The following EFNA5 variants were observed in gnomAD, a reference collection of about 807,000 sequenced individuals.
EFNA5 encodes ephrin A5, also known as ephrin-A5.
A neutral mutation model predicts 22.9 loss-of-function variants in EFNA5; 5 were observed. That is an observed-to-expected ratio of 0.22 (90% CI 0.11 to 0.46). The LOEUF (loss-of-function observed/expected upper bound fraction) is 0.46. EFNA5 is among the 20% of genes least tolerant of loss of function. EFNA5 has a pLI of 0.99. For synonymous variants in EFNA5, 113 were observed against 112.2 expected, an observed-to-expected ratio of 1.01 and a Z score of -0.04; for missense variants, 237 against 293.3, an observed-to-expected ratio of 0.81 and a Z score of 1.40.
At chr5:107,599,470 T>C (rs944433313) in intron 1 of EFNA5, among the ~76,000 whole-genome samples, 1 of 152,186 alleles carries the variant, frequency 6.6e-6, no homozygotes, top group East Asian at 1.9e-4. Flanking sequence ...TGGCTTCATA[T>C]ATGGGGCAGT....
intron 1 of EFNA5, among the ~76,000 whole-genome samples, chr5:107,641,755 A>G (rs1162601596): frequency 6.6e-6 from 1 of 152,214 alleles, no homozygotes; most frequent in African/African-American, 2.4e-5. Flanking sequence ...AGTGTACAGC[A>G]TCTGTTCATT....
chr5:107,430,402 T>C (rs1251963653), intron 1 of EFNA5, among the ~76,000 whole-genome samples: 3 of 152,144 alleles, frequency 2.0e-5, no homozygotes, highest in Non-Finnish European at 4.4e-5. Flanking sequence ...GGAAGTTTTT[T>C]CTTTCCCTAA....
chr5:107,423,262 A>T (rs1748718190), intron 2 of EFNA5, among the ~76,000 whole-genome samples: 1 of 152,160 alleles, frequency 6.6e-6, no homozygotes. Flanking sequence ...TGTTTTATGG[A>T]ATTACAAAGA....
At chr5:107,438,777 G>A (rs1318902191) in intron 1 of EFNA5, among the ~76,000 whole-genome samples, 1 of 152,304 alleles carries the variant, frequency 6.6e-6, no homozygotes, top group Non-Finnish European at 1.5e-5. Context: ...ATATCTGGGG[G>A]TTAGAAATCT....
In EFNA5 at chr5:107,597,689, G is replaced by A. The variant is rs561063355; in HGVS notation, c.125+72800C>T. On this transcript the variant is annotated intron_variant, in intron 1 of 4. Coordinates refer to ENST00000333274, the MANE Select transcript of EFNA5 (RefSeq NM_001962.3). ...AAAATTAAGTGTACTCAAGCCTTGT[G>A]TATTGTTGCTGCTTCCAGGAGATGA... 4.6e-5 allele frequency among the ~76,000 whole-genome samples: 7 copies of A among 152,298 alleles called. No homozygotes were observed. In the East Asian group the frequency reaches 9.6e-4, roughly 21 times the overall value.
At chr5:107,481,629 A>T (rs1429960265) in intron 1 of EFNA5, among the ~76,000 whole-genome samples, 2 of 152,112 alleles carry the variant, frequency 1.3e-5, no homozygotes, top group Non-Finnish European at 2.9e-5. Flanking sequence ...AGGTGGGTGG[A>T]TCACAAGGTC....
At chr5:107,445,017 T>C (rs905443455) in intron 1 of EFNA5, among the ~76,000 whole-genome samples, 4 of 152,046 alleles carry the variant, frequency 2.6e-5, no homozygotes, top group Non-Finnish European at 1.5e-5. Flanking sequence ...AGTATAAAGA[T>C]TGCCATTTAA....
chr5:107,434,332 C>T (rs1749052924), intron 1 of EFNA5, among the ~76,000 whole-genome samples: 1 of 152,304 alleles, frequency 6.6e-6, no homozygotes. Context: ...GGACCCCACA[C>T]TCCTGTGTTG....
chr5:107,478,074 C>T (rs749959138), intron 1 of EFNA5, among the ~76,000 whole-genome samples: 17 of 152,076 alleles, frequency 1.1e-4, no homozygotes, highest in Non-Finnish European at 1.9e-4. Context: ...TATATAATGC[C>T]ATGATAGAAA....
chr5:107,490,654 G>A (rs1340512328), intron 1 of EFNA5, among the ~76,000 whole-genome samples: 1 of 152,152 alleles, frequency 6.6e-6, no homozygotes, highest in Non-Finnish European at 1.5e-5. Flanking sequence ...AGTTCCTTTG[G>A]CAGGGAACAT....
intron 1 of EFNA5, among the ~76,000 whole-genome samples, chr5:107,590,482 G>A (rs1270375522): frequency 6.6e-6 from 1 of 151,850 alleles, no homozygotes; most frequent in Non-Finnish European, 1.5e-5. Flanking sequence ...TCAACCTCCT[G>A]GGCTCAAGTA....
chr5:107,548,931 T>TA, intron 1 of EFNA5, among the ~76,000 whole-genome samples: 1 of 152,202 alleles, frequency 6.6e-6, no homozygotes, highest in Non-Finnish European at 1.5e-5. Context: ...CTGAATTAAG[T>TA]AAAATGACAC....
chr5:107,658,468 T>C (rs954555168), intron 1 of EFNA5, among the ~76,000 whole-genome samples: 2 of 152,192 alleles, frequency 1.3e-5, no homozygotes, highest in African/African-American at 4.8e-5. Flanking sequence ...TAAACTTCAA[T>C]GTAAAAATCT....
At chr5:107,562,605 T>C (rs1028843250) in intron 1 of EFNA5, among the ~76,000 whole-genome samples, 1 of 152,114 alleles carries the variant, frequency 6.6e-6, no homozygotes, top group South Asian at 2.1e-4. Flanking sequence ...CATAAAGTAA[T>C]GAAGGATCCT....
intron 1 of EFNA5, among the ~76,000 whole-genome samples, chr5:107,630,311 C>CT (rs1279577880): frequency 2.0e-5 from 3 of 152,148 alleles, no homozygotes; most frequent in Admixed American, 2.0e-4. Context: ...ATACAGTGTA[C>CT]TTACACAGAC....
intron 1 of EFNA5, among the ~76,000 whole-genome samples, chr5:107,603,644 T>C (rs1208831013): frequency 6.6e-6 from 1 of 152,220 alleles, no homozygotes; most frequent in Non-Finnish European, 1.5e-5. Context: ...GTGTTTTACA[T>C]GTGTTTCCCA....
At chr5:107,475,741 T>C (rs1050848205) in intron 1 of EFNA5, among the ~76,000 whole-genome samples, 3 of 151,844 alleles carry the variant, frequency 2.0e-5, no homozygotes, top group African/African-American at 7.3e-5. Flanking sequence ...GTATCCACAA[T>C]CTGATTACAT....
chr5:107,660,253 G>A, intron 1 of EFNA5, among the ~76,000 whole-genome samples: 1 of 81,276 alleles, frequency 1.2e-5, no homozygotes, highest in Non-Finnish European at 2.5e-5. Context: ...CCTCTGAGAT[G>A]GCAAAAACAT....
At chr5:107,421,287 T>C (rs902953680) in intron 2 of EFNA5, among the ~76,000 whole-genome samples, 2 of 152,248 alleles carry the variant, frequency 1.3e-5, no homozygotes, top group Admixed American at 1.3e-4. Flanking sequence ...ATGTCCATAG[T>C]AACACAGAAT....
Sources: allele counts gnomAD v4.1 joint callset (sites outside exome capture counted in the v4.1 genomes callset), GRCh38; gene constraint gnomAD v4.1.1; transcripts MANE v1.5; gene names NCBI Gene and HGNC (gene_info 2026-07-23, HGNC 2026-07-21).